The following TRAF7 variants were observed in gnomAD, a reference collection of about 807,000 sequenced individuals.
TRAF7 encodes the protein TNF receptor associated factor 7, also known as E3 ubiquitin-protein ligase TRAF7.
Under a neutral mutation model 89.3 loss-of-function variants are expected in TRAF7, and 45 were observed. The observed-to-expected ratio is 0.50, with a 90% CI of 0.40 to 0.65. TRAF7 has a LOEUF of 0.65. Among genes scored for constraint, TRAF7 ranks in the 30% least tolerant of loss-of-function variants. The pLI is 0.00. For synonymous variants in TRAF7, 406 were observed against 369.2 expected (o/e 1.10, Z -1.14); for missense variants, 677 against 918.1 (o/e 0.74, Z 3.39).
Position 2,176,665 on chromosome 16 carries a change from C to T in TRAF7, c.*91C>T. The stretch of plus-strand genomic sequence containing the variant: ...ACATGGGGTGGTCTCGGGGTTTCTG[C>T]CTGCCCCGTGGGCATAGGTGGACAG... On this transcript the variant is annotated 3_prime_UTR_variant, in exon 21 of 21. Transcript: ENST00000326181. 6.3e-7 allele frequency: 1 copy of T among 1,593,442 alleles called. No homozygotes were observed. Among genetic ancestry groups the T allele is most frequent in the Non-Finnish European group, 8.6e-7 (1 of 1,165,234 alleles).
In TRAF7 at chr16:2,177,700, C is replaced by T. The variant is rs909781831; in HGVS notation, c.*1126C>T. 4 of 242,192 alleles carry T rather than the reference C, an allele frequency of 1.7e-5. No individual in the cohort carries two copies. Among genetic ancestry groups the T allele is most frequent in the Non-Finnish European group, 2.4e-5 (3 of 123,036 alleles). The allele number at this position is 242,192 out of a possible 1,614,324, so 15.0% of individuals were successfully genotyped here. A position where few individuals can be genotyped will look rare whatever the true frequency, so the allele number is the denominator to read the frequency against. On this transcript the variant is annotated 3_prime_UTR_variant, in exon 21 of 21. Transcript: ENST00000326181. ...TGGCCTGCTACATGCCCTGCTTCCACGTGGCTGCCACGCTGACACACCCAC... is the reference window on the plus strand; with the variant it reads ...TGGCCTGCTACATGCCCTGCTTCCATGTGGCTGCCACGCTGACACACCCAC...
At chr16:2,174,853 C>T (rs558146219) in intron 14 of TRAF7, among the ~76,000 whole-genome samples, 3 of 152,342 alleles carry the variant, frequency 2.0e-5, no homozygotes, top group Admixed American at 2.0e-4. Flanking sequence ...GGGACTGACT[C>T]AGGGCTGACG....
At chr16:2,160,573 G>A (rs1567245386) in intron 1 of TRAF7, among the ~76,000 whole-genome samples, 1 of 142,034 alleles carries the variant, frequency 7.0e-6, no homozygotes, top group Non-Finnish European at 1.5e-5. Flanking sequence ...TGGGTGGGCG[G>A]GCGGTGCTCG....
At chr16:2,171,154 C>T in intron 5 of TRAF7, 110 bp from the exon 6 acceptor site, 1 of 860,944 alleles carries the variant, frequency 1.2e-6, no homozygotes, top group Non-Finnish European at 1.8e-6. Context: ...AGGACGTGAC[C>T]CTGTCCTCAG....
chr16:2,176,254 T>C lies in TRAF7; in HGVS notation c.1879-11T>C, dbSNP rs763121891. Reference sequence around the variant, plus strand: ...AGCTCCGGCGGGCCCTCACGTCCCATGTGCCCCCAGGTCTGGAGTATGGAC... The same window carrying C: ...AGCTCCGGCGGGCCCTCACGTCCCACGTGCCCCCAGGTCTGGAGTATGGAC... On this transcript the variant is annotated splice_polypyrimidine_tract_variant and intron_variant, in intron 19 of 20. Transcript: ENST00000326181. 4.4e-6 allele frequency: 7 copies of C among 1,601,036 alleles called. No homozygotes were observed. In the East Asian group the frequency reaches 6.7e-5, roughly 15 times the overall value.
chr16:2,171,689 T>C (rs1032931217), intron 7 of TRAF7, 84 bp downstream of exon 7: 1 of 1,598,052 alleles, frequency 6.3e-7, no homozygotes, highest in Non-Finnish European at 8.6e-7. Flanking sequence ...CCTTGTCCCC[T>C]GCACAGCGTC....
At chr16:2,164,159 T>TGG (rs879079517) in intron 2 of TRAF7, among the ~76,000 whole-genome samples, 158 bp downstream of exon 2, 1 of 126,078 alleles carries the variant, frequency 7.9e-6, no homozygotes, top group Non-Finnish European at 1.7e-5. Context: ...TGTGTGTGTG[T>TGG]GCGCGCGCGC....
intron 2 of TRAF7, 147 bp downstream of exon 2, chr16:2,164,148 G>C: frequency 1.7e-6 from 1 of 585,546 alleles, no homozygotes; most frequent in South Asian, 2.1e-5. Flanking sequence ...TGGTGTGTGT[G>C]TGTGTGTGTG....
At position 2,174,322 on chromosome 16, in the gene TRAF7, C is replaced by T. The variant is rs144124704; in HGVS notation, c.1335C>T (p.Leu445=). ...GCCATGATGGCATCGTGCTGGCTCT[C>T]TGCATCCAGGGGTGAGTCCAGGCAC... The part of the protein sequence containing the change: ...LEGHDGIVLA[L]CIQGCKLYSG... The change falls in exon 14 of 21, where the codon CTC becomes CTT. Residue 445 remains leucine, a synonymous_variant. Coordinates refer to ENST00000326181, the MANE Select transcript of TRAF7 (RefSeq NM_032271.3). 7.4e-6 allele frequency: 12 copies of T among 1,613,148 alleles called. No individual in the cohort carries two copies. The African/African-American group carries it at 1.1e-4, about 14-fold the overall frequency.
intron 19 of TRAF7, 34 bp downstream of exon 19, chr16:2,176,214 G>C (rs752779087): frequency 6.2e-7 from 1 of 1,601,694 alleles, no homozygotes; most frequent in Non-Finnish European, 8.5e-7. Flanking sequence ...AGGAGGCTCA[G>C]AGGGCTGGCA....
chr16:2,164,173 C>CGT (rs2093070566), intron 2 of TRAF7, among the ~76,000 whole-genome samples, 172 bp downstream of exon 2: 7 of 121,458 alleles, frequency 5.8e-5, no homozygotes, highest in African/African-American at 1.3e-4. Flanking sequence ...CGCGCGCGCG[C>CGT]GCGCGCGCAC....
In TRAF7 at chr16:2,176,964, G is replaced by A. The variant is rs1298344990; in HGVS notation, c.*390G>A. ...GCTGTGAGTGGGGACAGCTCCTCGG[G>A]ACAAGGGGGCTGTGTGTGGCCTTGA... On this transcript the variant is annotated 3_prime_UTR_variant, in exon 21 of 21. Coordinates refer to ENST00000326181, the MANE Select transcript of TRAF7 (RefSeq NM_032271.3). The A allele has an allele frequency of 5.7e-5, 24 of 424,760 alleles. No individual in the cohort carries two copies. The East Asian group carries it at 9.2e-4, about 16-fold the overall frequency. 26.3% of individuals were successfully genotyped at this position (424,760 alleles called of 1,614,324 possible). A position where few individuals can be genotyped will look rare whatever the true frequency, so the allele number is the denominator to read the frequency against.
Position 2,173,643 on chromosome 16 carries a change from C to T in TRAF7, c.1086+89C>T. On this transcript the variant is annotated intron_variant, in intron 11 of 20. Coordinates refer to ENST00000326181, the MANE Select transcript of TRAF7 (RefSeq NM_032271.3). The stretch of plus-strand genomic sequence containing the variant: ...GAGGCCTCCCCTGGCCTTGCCTACA[C>T]TAGTCAAGATCAGGGGTCTTGTGTG... 2.5e-6 allele frequency: 4 copies of T among 1,574,604 alleles called. No homozygotes were observed. The South Asian group carries it at 3.3e-5, about 13-fold the overall frequency.
In TRAF7 at chr16:2,176,849, G is replaced by C; in HGVS notation, c.*275G>C. 3.4e-6 allele frequency: 2 copies of C among 588,884 alleles called. No homozygotes were observed. The highest frequency in any genetic ancestry group is 3.0e-5 in the Admixed American group (1 of 33,642). 36.5% of individuals were successfully genotyped at this position (588,884 alleles called of 1,614,324 possible). ...CCTCCATCCCCACCCTAGATGGAGC[G>C]AGGGCCTTTTTACTCACCTTTTCTA... On this transcript the variant is annotated 3_prime_UTR_variant, in exon 21 of 21. Transcript: ENST00000326181.
chr16:2,167,963 G>A, intron 3 of TRAF7, 114 bp from the exon 4 acceptor site: 4 of 905,894 alleles, frequency 4.4e-6, no homozygotes, highest in Non-Finnish European at 6.9e-6. Context: ...CCTGGCCCTG[G>A]GGAGGGCTGT....
In TRAF7 at chr16:2,170,162, G is replaced by A. The variant is rs574453585; in HGVS notation, c.232-452G>A. 1.6e-4 allele frequency among the ~76,000 whole-genome samples: 25 copies of A among 152,288 alleles called. No individual in the cohort carries two copies. In the East Asian group the frequency reaches 4.5e-3, roughly 27 times the overall value. On this transcript the variant is annotated intron_variant, in intron 4 of 20. Transcript: ENST00000326181. ...GTCCCCCACCAGCAAGGCCAGACAA[G>A]CAGCCAGGCCCGGGGGGCACCTGGA...
At position 2,177,816 on chromosome 16, in the gene TRAF7, G is replaced by T. The variant is rs1456757109; in HGVS notation, c.*1242G>T. 1 of 245,426 alleles carries T rather than the reference G, an allele frequency of 4.1e-6. No individual in the cohort carries two copies. The highest frequency in any genetic ancestry group is 2.2e-5 in the African/African-American group (1 of 45,084). The allele number at this position is 245,426 out of a possible 1,614,324, so 15.2% of individuals were successfully genotyped here. A position where few individuals can be genotyped will look rare whatever the true frequency, so the allele number is the denominator to read the frequency against. On this transcript the variant is annotated 3_prime_UTR_variant, in exon 21 of 21. Transcript: ENST00000326181. ...CAAGGCACAACCTCGAGTTCTTGGG[G>T]CGCAGAGAACTTAGGAGAGAAGCAC...
At chr16:2,157,940 G>A (rs796861518) in intron 1 of TRAF7, among the ~76,000 whole-genome samples, 17 of 152,284 alleles carry the variant, frequency 1.1e-4, no homozygotes, top group South Asian at 4.1e-4. Flanking sequence ...CACTCTTGAC[G>A]GATCCATCTT....
At chr16:2,171,525 A>G (rs990890858) in intron 6 of TRAF7, 47 bp from the exon 7 acceptor site, 1 of 1,612,406 alleles carries the variant, frequency 6.2e-7, no homozygotes, top group Non-Finnish European at 8.5e-7. Context: ...GGACTAGGGA[A>G]AAAGAGGACC....
Sources: gnomAD v4.1 joint callset for allele counts (sites outside exome capture counted in the v4.1 genomes callset) on GRCh38, gnomAD v4.1.1 for gene constraint, MANE v1.5 for transcripts, NCBI Gene and HGNC (gene_info 2026-07-23, HGNC 2026-07-21) for gene names.